Variants in ZNF804A observed in about 807,000 individuals in gnomAD.
ZNF804A encodes zinc finger protein 804A.
Under a neutral mutation model 16.5 loss-of-function variants are expected in ZNF804A, and 2 were observed. The observed-to-expected ratio is 0.12, with a 90% CI of 0.05 to 0.38. The LOEUF is 0.38. Ranked by LOEUF, ZNF804A falls within the 10% of genes least tolerant of loss-of-function variation. The pLI is 0.99. For missense variants in ZNF804A, 1,473 were observed against 1,390.7 expected (o/e 1.06, Z -0.94); for synonymous variants, 534 against 489.6 (o/e 1.09, Z -1.20).
At chr2:184,652,748 T>C (rs1359831100) in intron 1 of ZNF804A, among the ~76,000 whole-genome samples, 1 of 152,196 alleles carries the variant, frequency 6.6e-6, no homozygotes, top group Non-Finnish European at 1.5e-5. Context: ...TCTTGAATTG[T>C]AGTTCCCATA....
chr2:184,730,974 A>G (rs1239417142), intron 1 of ZNF804A, among the ~76,000 whole-genome samples: 1 of 151,796 alleles, frequency 6.6e-6, no homozygotes, highest in African/African-American at 2.4e-5. Context: ...CAGGCATGGT[A>G]GCTCACACCT....
intron 2 of ZNF804A, among the ~76,000 whole-genome samples, chr2:184,877,855 A>G (rs1684734106): frequency 6.6e-6 from 1 of 152,124 alleles, no homozygotes; most frequent in South Asian, 2.1e-4. Flanking sequence ...CACTTCTTTC[A>G]GAATACTTGT....
chr2:184,715,888 G>A (rs186566030), intron 1 of ZNF804A, among the ~76,000 whole-genome samples: 11 of 152,022 alleles, frequency 7.2e-5, no homozygotes, highest in East Asian at 5.8e-4. Context: ...TGCTTCACGC[G>A]GGTTTTGGCT....
intron 1 of ZNF804A, among the ~76,000 whole-genome samples, chr2:184,719,556 A>G (rs1334198457): frequency 6.6e-6 from 1 of 152,172 alleles, no homozygotes; most frequent in Non-Finnish European, 1.5e-5. Context: ...CACCTTTTGA[A>G]TGCTTTGCTG....
At chr2:184,677,255 T>C (rs1692454151) in intron 1 of ZNF804A, among the ~76,000 whole-genome samples, 1 of 151,962 alleles carries the variant, frequency 6.6e-6, no homozygotes, top group African/African-American at 2.4e-5. Flanking sequence ...AATACAATTT[T>C]TTTCTAGGTT....
intron 1 of ZNF804A, among the ~76,000 whole-genome samples, chr2:184,726,041 G>A (rs573660210): frequency 7.2e-4 from 110 of 151,782 alleles, no homozygotes; most frequent in Non-Finnish European, 1.3e-3. Context: ...CCACTGTAGG[G>A]CATTTTGGTT....
intron 1 of ZNF804A, among the ~76,000 whole-genome samples, chr2:184,822,613 C>A (rs1476890489): frequency 6.6e-6 from 1 of 152,006 alleles, no homozygotes; most frequent in Non-Finnish European, 1.5e-5. Context: ...CTCTTGAATC[C>A]AGCTTAAACT....
At chr2:184,735,969 T>C (rs1414650785) in intron 1 of ZNF804A, among the ~76,000 whole-genome samples, 3 of 152,208 alleles carry the variant, frequency 2.0e-5, no homozygotes, top group Admixed American at 6.5e-5. Context: ...TTATATTTCA[T>C]TGTAGTCCAT....
chr2:184,922,638 C>G (rs1260519666), intron 2 of ZNF804A, among the ~76,000 whole-genome samples: 6 of 151,936 alleles, frequency 3.9e-5, no homozygotes, highest in Non-Finnish European at 8.8e-5. Context: ...CTTTGATTGT[C>G]TGGGTCTGTG....
At chr2:184,775,086 T>A (rs1694266675) in intron 1 of ZNF804A, among the ~76,000 whole-genome samples, 1 of 151,830 alleles carries the variant, frequency 6.6e-6, no homozygotes, top group Non-Finnish European at 1.5e-5. Flanking sequence ...TTCTTAATAT[T>A]TCTTTTTGAC....
At chr2:184,785,621 C>A (rs1202697799) in intron 1 of ZNF804A, among the ~76,000 whole-genome samples, 1 of 151,890 alleles carries the variant, frequency 6.6e-6, no homozygotes. Context: ...CAATTCAAGT[C>A]TGGCTAAGAT....
chr2:184,706,698 T>G (rs1316283137), intron 1 of ZNF804A, among the ~76,000 whole-genome samples: 1 of 152,172 alleles, frequency 6.6e-6, no homozygotes, highest in Non-Finnish European at 1.5e-5. Flanking sequence ...GGTTTAGGAC[T>G]ACATATTAGA....
intron 1 of ZNF804A, among the ~76,000 whole-genome samples, chr2:184,628,549 C>T (rs1691546087): frequency 6.6e-6 from 1 of 151,954 alleles, no homozygotes; most frequent in Non-Finnish European, 1.5e-5. Context: ...ATTATTTTAA[C>T]AGATTTATTT....
chr2:184,937,163 G>T lies in ZNF804A; in HGVS notation c.1767G>T (p.Trp589Cys). 3.7e-6 allele frequency: 6 copies of T among 1,602,644 alleles called. No homozygotes were observed. The highest frequency in any genetic ancestry group is 5.1e-6 in the Non-Finnish European group (6 of 1,177,304). Residue 589 changes from tryptophan (W) to cysteine (C), a missense_variant, in exon 4 of 4, where the codon TGG becomes TGT. By Grantham distance (215) the Trp-to-Cys change is radical. Transcript: ENST00000302277. Reference sequence around the variant, plus strand: ...GGTTGAAAGAGACCCATGAATACTGGTTCCATAAAAGTAGAAGAAAGAAAA... The same window carrying T: ...GGTTGAAAGAGACCCATGAATACTGTTTCCATAAAAGTAGAAGAAAGAAAA... Reference protein sequence around the residue: ...KIRLKETHEYWFHKSRRKKKR... With the variant: ...KIRLKETHEYCFHKSRRKKKR...
intron 1 of ZNF804A, among the ~76,000 whole-genome samples, chr2:184,715,291 T>A (rs1271217880): frequency 6.6e-6 from 1 of 152,170 alleles, no homozygotes; most frequent in Non-Finnish European, 1.5e-5. Context: ...TTAGTTAAAG[T>A]GCAGTTAAAG....
chr2:184,616,733 C>T (rs955337964), intron 1 of ZNF804A, among the ~76,000 whole-genome samples: 1 of 152,054 alleles, frequency 6.6e-6, no homozygotes, highest in Non-Finnish European at 1.5e-5. Context: ...TAAAGTTCTA[C>T]GGAGCACAGA....
Position 184,762,369 on chromosome 2 carries a change from T to C in ZNF804A, c.112-104000T>C, listed in dbSNP as rs184991318. ...AGGTAATCCGGAGTCAAAATGAATA[T>C]ATCGCATAAGGTCATGCATGTTACA... On this transcript the variant is annotated intron_variant, in intron 1 of 3. Coordinates refer to ENST00000302277, the MANE Select transcript of ZNF804A (RefSeq NM_194250.2). Among the ~76,000 whole-genome samples the C allele has an allele frequency of 2.0e-5, 3 of 152,074 alleles. No homozygotes were observed. In the East Asian group the frequency reaches 5.8e-4, roughly 29 times the overall value.
intron 1 of ZNF804A, among the ~76,000 whole-genome samples, chr2:184,804,036 T>G (rs1229929186): frequency 6.6e-6 from 1 of 152,114 alleles, no homozygotes; most frequent in Non-Finnish European, 1.5e-5. Context: ...CTAATTTTTT[T>G]TGTATTTTTA....
At chr2:184,629,164 G>T (rs1398961066) in intron 1 of ZNF804A, among the ~76,000 whole-genome samples, 9 of 152,042 alleles carry the variant, frequency 5.9e-5, no homozygotes, top group Admixed American at 2.0e-4. Flanking sequence ...TATATTCATA[G>T]TATATTCCTT....
Sources: gnomAD v4.1 joint callset for allele counts (sites outside exome capture counted in the v4.1 genomes callset) on GRCh38, gnomAD v4.1.1 for gene constraint, MANE v1.5 for transcripts, NCBI Gene and HGNC (gene_info 2026-07-23, HGNC 2026-07-21) for gene names.